CNTNAP2: variants seen among roughly 807,000 people sequenced by gnomAD.
The protein encoded by CNTNAP2 is contactin-associated protein-like 2.
A neutral mutation model predicts 155.2 loss-of-function variants in CNTNAP2; 98 were observed. The observed-to-expected ratio is 0.63, with a 90% CI of 0.54 to 0.75. The LOEUF (loss-of-function observed/expected upper bound fraction) is 0.75. CNTNAP2 is among the 30% of genes least tolerant of loss of function. The pLI is 0.00. For synonymous variants in CNTNAP2, 651 were observed against 631.2 expected (o/e 1.03, Z -0.47); for missense variants, 1,727 against 1,688.1 (o/e 1.02, Z -0.40).
At chr7:146,721,831 A>G (rs1387800500) in intron 1 of CNTNAP2, among the ~76,000 whole-genome samples, 1 of 116,112 alleles carries the variant, frequency 8.6e-6, no homozygotes, top group Admixed American at 8.6e-5. Flanking sequence ...TAGACTATAT[A>G]TAGTCTATAT....
At chr7:146,945,186 T>C (rs1159057638) in intron 3 of CNTNAP2, among the ~76,000 whole-genome samples, 2 of 152,230 alleles carry the variant, frequency 1.3e-5, no homozygotes. Context: ...CTGTTCTTGT[T>C]ATCGTCTGCA....
At chr7:146,338,235 T>A (rs763844560) in intron 1 of CNTNAP2, among the ~76,000 whole-genome samples, 1 of 152,122 alleles carries the variant, frequency 6.6e-6, no homozygotes, top group African/African-American at 2.4e-5. Context: ...CGTATTACTC[T>A]AAAATGCTGG....
At chr7:146,676,983 T>C (rs547709835) in intron 1 of CNTNAP2, among the ~76,000 whole-genome samples, 14 of 152,288 alleles carry the variant, frequency 9.2e-5, no homozygotes, top group Admixed American at 2.0e-4. Flanking sequence ...TCAATCAATT[T>C]AGAGGTTTAT....
intron 10 of CNTNAP2, among the ~76,000 whole-genome samples, chr7:147,401,090 G>C (rs1212031136): frequency 2.0e-5 from 3 of 152,106 alleles, no homozygotes; most frequent in Non-Finnish European, 4.4e-5. Context: ...CTAAATAGCT[G>C]TTTAGAGGCC....
chr7:148,300,157 G>A (rs950425355), intron 21 of CNTNAP2, among the ~76,000 whole-genome samples: 2 of 152,192 alleles, frequency 1.3e-5, no homozygotes, highest in Non-Finnish European at 2.9e-5. Context: ...CCCAGCAGGA[G>A]AGATGCTAAA....
In CNTNAP2 at chr7:147,395,774, T is replaced by C. The variant is rs780737228; in HGVS notation, c.1664T>C (p.Ile555Thr). 2.5e-6 allele frequency: 4 copies of C among 1,611,902 alleles called. No individual in the cohort carries two copies. In the African/African-American group the frequency reaches 4.0e-5, roughly 16 times the overall value. ...ANVSIDMCAI[I>T]DRCVPNHCEH... is the part of the protein sequence containing the mutation. Reference sequence around the variant, plus strand: ...GTCAGCATTGACATGTGTGCGATCATAGACAGGTAAATGATCTTTTCATCC... The same window carrying C: ...GTCAGCATTGACATGTGTGCGATCACAGACAGGTAAATGATCTTTTCATCC... The change falls in exon 10 of 24, where the codon ATA becomes ACA. Residue 555 changes from isoleucine to threonine, a missense_variant. Physicochemically the swap from Ile to Thr is moderately conservative, Grantham distance 89 (BLOSUM62 -1). Transcript: ENST00000361727.
chr7:147,774,217 A>G (rs1797522622), intron 13 of CNTNAP2, among the ~76,000 whole-genome samples: 1 of 152,196 alleles, frequency 6.6e-6, no homozygotes, highest in East Asian at 1.9e-4. Flanking sequence ...ATGGAGAGTA[A>G]GCTCCATGTG....
At chr7:147,751,420 C>A (rs1312497707) in intron 13 of CNTNAP2, among the ~76,000 whole-genome samples, 1 of 148,444 alleles carries the variant, frequency 6.7e-6, no homozygotes. Context: ...GGAAATTAGT[C>A]TTTAAAATTA....
intron 1 of CNTNAP2, among the ~76,000 whole-genome samples, chr7:146,702,646 T>C (rs1256046741): frequency 1.3e-5 from 2 of 152,142 alleles, no homozygotes; most frequent in Non-Finnish European, 2.9e-5. Flanking sequence ...TCAGTAGCCA[T>C]GTGTGCCTAA....
At chr7:147,562,309 A>G in intron 12 of CNTNAP2, 52 bp downstream of exon 12, 2 of 1,608,872 alleles carry the variant, frequency 1.2e-6, no homozygotes, top group Middle Eastern at 2.1e-4. Context: ...TATGTCACGA[A>G]TAAGTAGTTC....
At chr7:146,355,858 G>A (rs1045192339) in intron 1 of CNTNAP2, among the ~76,000 whole-genome samples, 1 of 151,784 alleles carries the variant, frequency 6.6e-6, no homozygotes, top group Non-Finnish European at 1.5e-5. Context: ...TTTCCATTCT[G>A]TCATTGTTTG....
At chr7:148,134,376 T>G (rs1309379610) in intron 16 of CNTNAP2, among the ~76,000 whole-genome samples, 1 of 152,248 alleles carries the variant, frequency 6.6e-6, no homozygotes, top group African/African-American at 2.4e-5. Flanking sequence ...TTCCGGTTCC[T>G]GTATACATTA....
intron 14 of CNTNAP2, among the ~76,000 whole-genome samples, chr7:147,935,327 A>C (rs927174475): frequency 5.9e-5 from 9 of 152,064 alleles, no homozygotes; most frequent in African/African-American, 9.7e-5. Context: ...GGGTTTCACC[A>C]TGTTGGCCAG....
rs1013986654 is a variant in CNTNAP2 at position 147,086,517 on chromosome 7, G to A, written c.551-21630G>A. Among the ~76,000 whole-genome samples, 4 of 151,898 alleles carry A rather than the reference G, an allele frequency of 2.6e-5. No homozygotes were observed. In the East Asian group the frequency reaches 5.8e-4, roughly 22 times the overall value. On this transcript the variant is annotated intron_variant, in intron 4 of 23. Transcript: ENST00000361727. ...AATGGCATGATCATGGCTCATGGCA[G>A]CCTCAGTTTCCTGGCTCAGTCAGTA...
In CNTNAP2 at chr7:146,831,336, G is replaced by T. The variant is rs141531986; in HGVS notation, c.209-8375G>T. On this transcript the variant is annotated intron_variant, in intron 2 of 23. Transcript: ENST00000361727. ...CAAGAAAGCTAAGATTACATTTATG[G>T]ATAATGCCAGTCCTTGGGGTTATAA... is the stretch of plus-strand genomic sequence containing the variant. Among the ~76,000 whole-genome samples the T allele has an allele frequency of 5.6e-3, 856 of 152,054 alleles. 7 individuals are homozygous for T. Among genetic ancestry groups the T allele is most frequent in the African/African-American group, 0.017 (691 of 41,482 alleles).
chr7:146,610,230 G>T lies in CNTNAP2; in HGVS notation c.98-164041G>T, dbSNP rs569156290. On this transcript the variant is annotated intron_variant, in intron 1 of 23. Coordinates refer to ENST00000361727, the MANE Select transcript of CNTNAP2 (RefSeq NM_014141.6). ...GCCTAGCCAGTCACACATTTATTAGGATTATTCTCGTGTAGTCGTCTCCTA... is the reference window on the plus strand; with the variant it reads ...GCCTAGCCAGTCACACATTTATTAGTATTATTCTCGTGTAGTCGTCTCCTA... Among the ~76,000 whole-genome samples, 271 of 152,228 alleles carry T rather than the reference G, an allele frequency of 1.8e-3. 1 individual carries two copies. Among genetic ancestry groups the T allele is most frequent in the African/African-American group, 6.2e-3 (256 of 41,528 alleles).
At chr7:147,512,110 A>G (rs1291530447) in intron 11 of CNTNAP2, among the ~76,000 whole-genome samples, 1 of 152,134 alleles carries the variant, frequency 6.6e-6, no homozygotes, top group Non-Finnish European at 1.5e-5. Flanking sequence ...GAAAACATAT[A>G]CAGCATGGGA....
chr7:147,363,265 C>T (rs67361115), intron 9 of CNTNAP2, among the ~76,000 whole-genome samples: 36,642 of 152,054 alleles, frequency 0.24, 4,866 homozygotes, highest in Non-Finnish European at 0.3. Context: ...GTCAACAAGC[C>T]GGAATGCAGG....
chr7:147,839,665 C>T (rs1233767302), intron 13 of CNTNAP2, among the ~76,000 whole-genome samples: 1 of 152,072 alleles, frequency 6.6e-6, no homozygotes, highest in Non-Finnish European at 1.5e-5. Flanking sequence ...AGTGTGACAA[C>T]CAAAATGTCT....
Sources: allele counts gnomAD v4.1 joint callset (sites outside exome capture counted in the v4.1 genomes callset), GRCh38; gene constraint gnomAD v4.1.1; transcripts MANE v1.5; gene names NCBI Gene and HGNC (gene_info 2026-07-23, HGNC 2026-07-21).